The following ALPK2 variants were observed in gnomAD, a reference collection of about 807,000 sequenced individuals.
ALPK2 encodes alpha kinase 2, also known as alpha-protein kinase 2.
In ALPK2, 127 loss-of-function variants were observed where a neutral mutation model predicts 163.1. The observed-to-expected ratio is 0.78, with a 90% CI of 0.67 to 0.90. ALPK2 has a LOEUF of 0.90. Ranked by LOEUF, ALPK2 falls within the 40% of genes least tolerant of loss-of-function variation. ALPK2 has a pLI of 0.00. For synonymous variants in ALPK2, 953 were observed against 959.1 expected (o/e 0.99, Z 0.12); for missense variants, 2,360 against 2,589.6 (o/e 0.91, Z 1.92).
intron 3 of ALPK2, among the ~76,000 whole-genome samples, chr18:58,599,154 C>G (rs2052056293): frequency 6.6e-6 from 1 of 152,134 alleles, no homozygotes; most frequent in Non-Finnish European, 1.5e-5. Context: ...CAGAACCTGG[C>G]CTATAACCAT....
chr18:58,541,586 C>G (rs573549799), intron 4 of ALPK2, among the ~76,000 whole-genome samples: 1 of 152,354 alleles, frequency 6.6e-6, no homozygotes, highest in African/African-American at 2.4e-5. Flanking sequence ...CGTGTAAATT[C>G]ATACATTTGA....
intron 10 of ALPK2, among the ~76,000 whole-genome samples, chr18:58,507,051 C>T (rs1042450895): frequency 4.6e-5 from 7 of 152,300 alleles, no homozygotes; most frequent in African/African-American, 1.7e-4. Context: ...AAAATAGAAC[C>T]ACTGATGGCG....
At chr18:58,527,792 G>T (rs1256021991) in intron 6 of ALPK2, among the ~76,000 whole-genome samples, 2 of 152,176 alleles carry the variant, frequency 1.3e-5, no homozygotes, top group Non-Finnish European at 2.9e-5. Context: ...AGGCAAAGTG[G>T]TTATGCTATC....
At chr18:58,489,751 CTT>C (rs2144098773) in intron 12 of ALPK2, among the ~76,000 whole-genome samples, 1 of 152,136 alleles carries the variant, frequency 6.6e-6, no homozygotes, top group African/African-American at 2.4e-5. Context: ...CACATCAGCT[CTT>C]TAAAGACCAT....
Position 58,587,793 on chromosome 18 carries a change from G to C in ALPK2, c.228-7245C>G, listed in dbSNP as rs565819254. ...ATATATAATGAGAGTCCCCATAGGA[G>C]AGAAGATAGAGAAAAAAACAGAAGG... is the stretch of plus-strand genomic sequence containing the variant. On this transcript the variant is annotated intron_variant, in intron 3 of 12. Transcript: ENST00000361673. 2.0e-5 allele frequency among the ~76,000 whole-genome samples: 3 copies of C among 152,262 alleles called. No homozygotes were observed. In the South Asian group the frequency reaches 6.2e-4, roughly 32 times the overall value.
chr18:58,611,958 C>T, intron 1 of ALPK2, 141 bp from the exon 2 acceptor site: 1 of 573,020 alleles, frequency 1.7e-6, no homozygotes, highest in Non-Finnish European at 3.0e-6. Context: ...CTTTGGGCAG[C>T]CTTTCCAGGC....
At chr18:58,565,731 GTTCCTTCC>G (rs74183271) in intron 4 of ALPK2, among the ~76,000 whole-genome samples, 37,977 of 145,690 alleles carry the variant, frequency 0.26, 5,040 homozygotes, top group African/African-American at 0.29. Flanking sequence ...TCTCTTTTTT[GTTCCTTCC>G]TTCCTTCCTT....
chr18:58,501,915 T>C (rs747467346), intron 11 of ALPK2, among the ~76,000 whole-genome samples: 2 of 152,178 alleles, frequency 1.3e-5, no homozygotes, highest in Non-Finnish European at 2.9e-5. Context: ...TGTACTATAG[T>C]TATGTGAGAT....
intron 10 of ALPK2, among the ~76,000 whole-genome samples, chr18:58,505,211 G>A (rs2051455737): frequency 1.3e-5 from 2 of 152,058 alleles, no homozygotes; most frequent in Admixed American, 6.5e-5. Flanking sequence ...CCAGGGAGCT[G>A]GAGCGGTGAT....
chr18:58,485,754 G>A (rs948268237), intron 12 of ALPK2, among the ~76,000 whole-genome samples: 13 of 151,936 alleles, frequency 8.6e-5, no homozygotes, highest in Non-Finnish European at 5.9e-5. Flanking sequence ...GGCCTGCTCC[G>A]TCAGGATGGA....
At chr18:58,624,677 G>C (rs57283409) in intron 1 of ALPK2, among the ~76,000 whole-genome samples, 31,093 of 152,002 alleles carry the variant, frequency 0.2, 3,656 homozygotes, top group African/African-American at 0.32. Context: ...TGGTCTCAAA[G>C]TCCCGACCTC....
intron 5 of ALPK2, among the ~76,000 whole-genome samples, chr18:58,531,577 G>T (rs556969916): frequency 6.0e-5 from 9 of 151,242 alleles, no homozygotes; most frequent in Admixed American, 2.6e-4. Flanking sequence ...GTGCTCAATG[G>T]TGGAGTAGAT....
rs188011949 is a variant in ALPK2 at position 58,534,517 on chromosome 18, T to C, written c.5353+317A>G. Reference sequence around the variant, plus strand: ...ATAATGAAACGGAAAAGCACCTTCATCACATTCCCCTCCAACAGACATGCC... The same window carrying C: ...ATAATGAAACGGAAAAGCACCTTCACCACATTCCCCTCCAACAGACATGCC... On this transcript the variant is annotated intron_variant, in intron 5 of 12. Transcript: ENST00000361673. Among the ~76,000 whole-genome samples, 3 of 152,354 alleles carry C rather than the reference T, an allele frequency of 2.0e-5. No homozygotes were observed. In the East Asian group the frequency reaches 5.8e-4, roughly 29 times the overall value.
At chr18:58,598,300 G>C (rs763358346) in intron 3 of ALPK2, among the ~76,000 whole-genome samples, 2 of 152,276 alleles carry the variant, frequency 1.3e-5, no homozygotes, top group African/African-American at 2.4e-5. Context: ...AATGTACTGA[G>C]ACTGGCTCAG....
At chr18:58,515,825 A>G (rs1485132417) in intron 9 of ALPK2, among the ~76,000 whole-genome samples, 2 of 152,200 alleles carry the variant, frequency 1.3e-5, no homozygotes, top group African/African-American at 4.8e-5. Context: ...AAATGTTTTA[A>G]TTGTTTTAGA....
At position 58,522,738 on chromosome 18, in the gene ALPK2, G is replaced by C. The variant is rs576443557; in HGVS notation, c.5665+1068C>G. Reference sequence around the variant, plus strand: ...ATGCAGAAGGGCTGAATGCAAGACCGATGCTTAAAGGGAAAAGTCAAATCC... The same window carrying C: ...ATGCAGAAGGGCTGAATGCAAGACCCATGCTTAAAGGGAAAAGTCAAATCC... On this transcript the variant is annotated intron_variant, in intron 8 of 12. Coordinates refer to ENST00000361673, the MANE Select transcript of ALPK2 (RefSeq NM_052947.4). 4.6e-5 allele frequency among the ~76,000 whole-genome samples: 7 copies of C among 152,182 alleles called. No individual in the cohort carries two copies. The East Asian group carries it at 1.2e-3, about 25-fold the overall frequency.
At chr18:58,488,294 C>A (rs1184716276) in intron 12 of ALPK2, among the ~76,000 whole-genome samples, 2 of 151,192 alleles carry the variant, frequency 1.3e-5, no homozygotes, top group African/African-American at 2.4e-5. Flanking sequence ...AAGATTTATT[C>A]AAGATTTGCT....
chr18:58,535,573 A>C lies in ALPK2; in HGVS notation c.4614T>G (p.Thr1538=). ...KKDKAELISP[T]SPLSSCLPIM... is the part of the protein sequence containing the mutation. ...TTGGAAGACAACTAGAAAGAGGTGA[A>C]GTGGGGGAAATCAATTCTGCTTTGT... is the stretch of plus-strand genomic sequence containing the variant. The change falls in exon 5 of 13, where the codon ACT becomes ACG. Residue 1538 remains threonine, a synonymous_variant. Transcript: ENST00000361673. 1 of 1,614,212 alleles carries C rather than the reference A, an allele frequency of 6.2e-7. No homozygotes were observed. Among genetic ancestry groups the C allele is most frequent in the Non-Finnish European group, 8.5e-7 (1 of 1,180,026 alleles).
chr18:58,494,380 A>G (rs958844257), intron 12 of ALPK2, among the ~76,000 whole-genome samples: 1 of 152,232 alleles, frequency 6.6e-6, no homozygotes, highest in South Asian at 2.1e-4. Context: ...TAAAAGGAAC[A>G]TACAATGAAG....
Sources: gnomAD v4.1 joint callset for allele counts (sites outside exome capture counted in the v4.1 genomes callset) on GRCh38, gnomAD v4.1.1 for gene constraint, MANE v1.5 for transcripts, NCBI Gene and HGNC (gene_info 2026-07-23, HGNC 2026-07-21) for gene names.